The following SPPL2A variants were observed in gnomAD, a reference collection of about 807,000 sequenced individuals.
SPPL2A encodes the protein signal peptide peptidase like 2A.
A neutral mutation model predicts 63.8 loss-of-function variants in SPPL2A; 51 were observed. The observed-to-expected ratio is 0.80, with a 90% CI of 0.64 to 1.01. The LOEUF (loss-of-function observed/expected upper bound fraction) is 1.01. SPPL2A is among the 50% of genes least tolerant of loss of function. The probability of loss-of-function intolerance (pLI) is 0.00; values close to 1 mark genes in which losing one functional copy is unlikely to be tolerated. For synonymous variants in SPPL2A, 188 were observed against 205.8 expected (o/e 0.91, Z 0.74); for missense variants, 553 against 622.7 (o/e 0.89, Z 1.19).
chr15:50,732,333 G>GAA (rs11407403), intron 9 of SPPL2A, among the ~76,000 whole-genome samples: 1,613 of 150,808 alleles, frequency 0.011, 12 homozygotes, highest in East Asian at 0.022. Context: ...ATAAAAGAAA[G>GAA]AAAAAAAAAC....
In SPPL2A at chr15:50,736,760, A is replaced by C; in HGVS notation, c.734-20T>G. ...CATAAACTGAAAAAAACAAAACACTAAATTACATGAGAACAGAAGGAAAGG... is the reference window on the plus strand; with the variant it reads ...CATAAACTGAAAAAAACAAAACACTCAATTACATGAGAACAGAAGGAAAGG... On this transcript the variant is annotated intron_variant, in intron 6 of 14. Coordinates refer to ENST00000261854, the MANE Select transcript of SPPL2A (RefSeq NM_032802.4). 1 of 1,205,560 alleles carries C rather than the reference A, an allele frequency of 8.3e-7. No homozygotes were observed. Among genetic ancestry groups the C allele is most frequent in the Non-Finnish European group, 1.2e-6 (1 of 810,486 alleles). The allele number at this position is 1,205,560 out of a possible 1,614,324, so 74.7% of individuals were successfully genotyped here.
chr15:50,721,949 G>A (rs2062650450), intron 13 of SPPL2A, among the ~76,000 whole-genome samples, 175 bp downstream of exon 13: 1 of 151,950 alleles, frequency 6.6e-6, no homozygotes, highest in Non-Finnish European at 1.5e-5. Context: ...ATGTTGCCCA[G>A]GCTCATCTAG....
At chr15:50,749,772 A>G in intron 1 of SPPL2A, 26 bp from the exon 2 acceptor site, 1 of 1,406,668 alleles carries the variant, frequency 7.1e-7, no homozygotes, top group Non-Finnish European at 1.0e-6. Flanking sequence ...TAACTTTCAA[A>G]CTTGCAATGT....
intron 1 of SPPL2A, 135 bp downstream of exon 1, chr15:50,765,333 A>G: frequency 1.8e-6 from 1 of 552,064 alleles, no homozygotes; most frequent in Non-Finnish European, 3.1e-6. Context: ...GAGGGGAGGA[A>G]AGAGGAGTGC....
At chr15:50,717,341 A>T (rs956047925) in intron 14 of SPPL2A, among the ~76,000 whole-genome samples, 6 of 151,660 alleles carry the variant, frequency 4.0e-5, no homozygotes, top group African/African-American at 1.5e-4. Flanking sequence ...CGCCCAGCAA[A>T]TTTTTTCTTT....
intron 13 of SPPL2A, among the ~76,000 whole-genome samples, chr15:50,721,216 T>C (rs1397863850): frequency 6.6e-6 from 1 of 151,808 alleles, no homozygotes; most frequent in Non-Finnish European, 1.5e-5. Context: ...GTATTTTTAG[T>C]AGAGTTGAGA....
chr15:50,763,039 G>A (rs1472063734), intron 1 of SPPL2A, among the ~76,000 whole-genome samples: 3 of 151,926 alleles, frequency 2.0e-5, no homozygotes, highest in Admixed American at 1.3e-4. Flanking sequence ...CACCACGCCC[G>A]GACAAGTAGT....
intron 1 of SPPL2A, among the ~76,000 whole-genome samples, chr15:50,752,991 C>A (rs536445900): frequency 3.3e-5 from 5 of 152,078 alleles, no homozygotes; most frequent in Admixed American, 2.0e-4. Flanking sequence ...TTCATATCTA[C>A]AGATATAGTA....
At chr15:50,718,379 A>C (rs1025558799) in intron 14 of SPPL2A, among the ~76,000 whole-genome samples, 1 of 152,146 alleles carries the variant, frequency 6.6e-6, no homozygotes, top group Non-Finnish European at 1.5e-5. Context: ...ATCACTCATA[A>C]ACATTTGCTA....
In SPPL2A at chr15:50,730,979, G is replaced by C. The variant is rs1391774673; in HGVS notation, c.1075C>G (p.Pro359Ala). 1 of 1,384,460 alleles carries C rather than the reference G, an allele frequency of 7.2e-7. No homozygotes were observed. The highest frequency in any genetic ancestry group is 1.0e-6 in the Non-Finnish European group (1 of 973,424). 85.8% of individuals were successfully genotyped at this position (1,384,460 alleles called of 1,614,324 possible). A position where few individuals can be genotyped will look rare whatever the true frequency, so the allele number is the denominator to read the frequency against. ...TATGGTCATACCTTTGTGATGAATGGTGTTATGAAAACAAAAAATACATCA... is the reference window on the plus strand; with the variant it reads ...TATGGTCATACCTTTGTGATGAATGCTGTTATGAAAACAAAAAATACATCA... ...LYDVFFVFIT[P>A]FITKNGESIM... Residue 359 changes from proline to alanine, a missense_variant, in exon 10 of 15, where the codon CCA becomes GCA. Pro to Ala is a conservative substitution (Grantham distance 27). Transcript: ENST00000261854.
At chr15:50,750,914 A>G (rs1056120728) in intron 1 of SPPL2A, among the ~76,000 whole-genome samples, 4 of 152,264 alleles carry the variant, frequency 2.6e-5, no homozygotes, top group Non-Finnish European at 5.9e-5. Context: ...GCACATTATT[A>G]GATTGAATCA....
chr15:50,753,998 T>C (rs541135323), intron 1 of SPPL2A, among the ~76,000 whole-genome samples: 2 of 152,302 alleles, frequency 1.3e-5, no homozygotes, highest in South Asian at 4.1e-4. Context: ...GGTTTCACCA[T>C]GTTGGCCAGG....
chr15:50,732,776 G>T, intron 8 of SPPL2A, 92 bp from the exon 9 acceptor site: 1 of 740,260 alleles, frequency 1.4e-6, no homozygotes, highest in Non-Finnish European at 2.3e-6. Context: ...TCATTTAATT[G>T]CTATGATTTG....
At chr15:50,736,558 T>C (rs1184301767) in intron 7 of SPPL2A, 86 bp downstream of exon 7, 4 of 747,682 alleles carry the variant, frequency 5.3e-6, no homozygotes, top group Admixed American at 5.0e-5. Context: ...TATTGGACTA[T>C]ATAGGTTTCA....
chr15:50,716,126 G>A (rs975131150), intron 14 of SPPL2A, among the ~76,000 whole-genome samples: 1 of 152,046 alleles, frequency 6.6e-6, no homozygotes, highest in Non-Finnish European at 1.5e-5. Flanking sequence ...AGGATTATGG[G>A]CGGACTTAAT....
intron 10 of SPPL2A, among the ~76,000 whole-genome samples, chr15:50,728,082 C>T (rs1264884509): frequency 6.6e-6 from 1 of 152,118 alleles, no homozygotes; most frequent in Non-Finnish European, 1.5e-5. Context: ...TTTGCTGGGG[C>T]AGATATGTTT....
chr15:50,729,583 T>C (rs1043435108), intron 10 of SPPL2A, among the ~76,000 whole-genome samples: 6 of 151,844 alleles, frequency 4.0e-5, no homozygotes, highest in African/African-American at 1.5e-4. Flanking sequence ...ATTGAGCCAC[T>C]GAACTCCAGC....
intron 1 of SPPL2A, among the ~76,000 whole-genome samples, chr15:50,764,228 T>C (rs1214641966): frequency 6.6e-6 from 1 of 152,262 alleles, no homozygotes; most frequent in East Asian, 1.9e-4. Flanking sequence ...ATCTAGGTTA[T>C]AGTTTTGCAT....
At chr15:50,754,874 C>T (rs779465843) in intron 1 of SPPL2A, among the ~76,000 whole-genome samples, 15 of 150,504 alleles carry the variant, frequency 1.0e-4, no homozygotes, top group Admixed American at 5.3e-4. Flanking sequence ...CCCAGCTACT[C>T]GGGAGGCTGA....
Sources: allele counts gnomAD v4.1 joint callset (sites outside exome capture counted in the v4.1 genomes callset), GRCh38; gene constraint gnomAD v4.1.1; transcripts MANE v1.5; gene names NCBI Gene and HGNC (gene_info 2026-07-23, HGNC 2026-07-21).